TPTE: variants seen among roughly 807,000 people sequenced by gnomAD.
The protein encoded by TPTE is transmembrane phosphatase with tensin homology, also known as putative tyrosine-protein phosphatase TPTE.
TPTE carries 59 observed loss-of-function variants against 84.1 expected under a neutral mutation model. The observed-to-expected ratio is 0.70, with a 90% CI of 0.57 to 0.87. The LOEUF (loss-of-function observed/expected upper bound fraction) is 0.87. Among genes scored for constraint, TPTE ranks in the 40% least tolerant of loss-of-function variants. TPTE has a pLI of 0.00. For synonymous variants in TPTE, 130 were observed against 223.5 expected, an observed-to-expected ratio of 0.58 and a Z score of 3.73; for missense variants, 382 against 659.6, an observed-to-expected ratio of 0.58 and a Z score of 4.61.
intron 20 of TPTE, among the ~76,000 whole-genome samples, 171 bp downstream of exon 20, chr21:10,596,258 A>C (rs575825915): frequency 6.6e-6 from 1 of 152,302 alleles, no homozygotes; most frequent in African/African-American, 2.4e-5. Context: ...GCAATTGCCC[A>C]TTGATTGCCA....
intron 1 of TPTE, among the ~76,000 whole-genome samples, chr21:10,522,110 C>T (rs1431299925): frequency 2.0e-5 from 3 of 152,068 alleles, no homozygotes; most frequent in African/African-American, 7.2e-5. Flanking sequence ...GAGGCTCCCG[C>T]GCCGCCCCCG....
At chr21:10,537,996 A>G (rs894431449) in intron 3 of TPTE, among the ~76,000 whole-genome samples, 2 of 152,312 alleles carry the variant, frequency 1.3e-5, no homozygotes, top group Non-Finnish European at 2.9e-5. Context: ...GATTTTTCTT[A>G]CTAGTCTGTT....
chr21:10,566,569 G>A (rs564707198), intron 10 of TPTE, among the ~76,000 whole-genome samples: 217 of 152,312 alleles, frequency 1.4e-3, no homozygotes, highest in African/African-American at 4.9e-3. Flanking sequence ...TTTTGTTGCA[G>A]CACTGTTCAT....
In TPTE at chr21:10,592,282, C is replaced by CT. The variant is rs758664948; in HGVS notation, c.1090-5dup. On this transcript the variant is annotated splice_polypyrimidine_tract_variant and intron_variant, in intron 18 of 23. Coordinates refer to ENST00000618007, the MANE Select transcript of TPTE (RefSeq NM_199261.4). ...AGATGAACCATGGTTGGATTGTACCCTTTTTTGTAGGAAAGCCTGTATTAT... is the reference window on the plus strand; with the variant it reads ...AGATGAACCATGGTTGGATTGTACCCTTTTTTTGTAGGAAAGCCTGTATTAT... 7 of 1,612,822 alleles carry CT rather than the reference C, an allele frequency of 4.3e-6. No individual in the cohort carries two copies. Among genetic ancestry groups the CT allele is most frequent in the Admixed American group, 1.7e-5 (1 of 59,972 alleles).
chr21:10,552,964 G>A (rs1364863675), intron 8 of TPTE, among the ~76,000 whole-genome samples: 2 of 152,300 alleles, frequency 1.3e-5, no homozygotes, highest in Non-Finnish European at 2.9e-5. Flanking sequence ...ATTCTTAGAG[G>A]AAATTAATTC....
chr21:10,587,488 C>A (rs1472499374), intron 17 of TPTE, among the ~76,000 whole-genome samples: 1 of 152,162 alleles, frequency 6.6e-6, no homozygotes, highest in South Asian at 2.1e-4. Flanking sequence ...TTTGTTCCTG[C>A]ATTAATTTGC....
At chr21:10,562,438 G>T (rs2074827256) in intron 10 of TPTE, among the ~76,000 whole-genome samples, 1 of 152,308 alleles carries the variant, frequency 6.6e-6, no homozygotes, top group South Asian at 2.1e-4. Context: ...CAATCCTGTA[G>T]AAACAGAGAT....
At chr21:10,592,505 C>G (rs2075500174) in intron 19 of TPTE, 132 bp downstream of exon 19, 2 of 1,181,520 alleles carry the variant, frequency 1.7e-6, no homozygotes, top group Non-Finnish European at 1.2e-6. Context: ...TGCAACAGGC[C>G]TTAGTCCCTC....
intron 5 of TPTE, among the ~76,000 whole-genome samples, chr21:10,541,394 C>T (rs913250145): frequency 2.0e-5 from 3 of 152,296 alleles, no homozygotes; most frequent in South Asian, 2.1e-4. Flanking sequence ...ATCGATTGAA[C>T]CTGGGGAAGT....
intron 5 of TPTE, among the ~76,000 whole-genome samples, chr21:10,541,369 G>C (rs1422085067): frequency 2.6e-5 from 4 of 152,306 alleles, no homozygotes; most frequent in Admixed American, 2.0e-4. Context: ...CTACTCAGGA[G>C]ACTGAGGCAG....
In TPTE at chr21:10,603,558, T is replaced by C; in HGVS notation, c.1450-4T>C. ...TTTACTTTGAAATTTTTTTTTCTTT[T>C]TAGAATCTTCCTACATACTATGACA... On this transcript the variant is annotated splice_region_variant and splice_polypyrimidine_tract_variant and intron_variant, in intron 22 of 23. Transcript: ENST00000618007. The C allele has an allele frequency of 6.2e-7, 1 of 1,609,870 alleles. No individual in the cohort carries two copies. The highest frequency in any genetic ancestry group is 8.5e-7 in the Non-Finnish European group (1 of 1,178,020).
chr21:10,576,844 T>C (rs1425441427), intron 14 of TPTE, among the ~76,000 whole-genome samples: 19 of 3,260 alleles, frequency 5.8e-3, no homozygotes, highest in East Asian at 0.062. Flanking sequence ...TATACATATA[T>C]ATATATATAT....
At chr21:10,576,074 G>A (rs998476374) in intron 14 of TPTE, among the ~76,000 whole-genome samples, 1 of 152,308 alleles carries the variant, frequency 6.6e-6, no homozygotes, top group African/African-American at 2.4e-5. Context: ...CCCATTATGG[G>A]GTATATACCC....
chr21:10,592,805 GGTGTGTGT>G (rs4041809), intron 19 of TPTE, among the ~76,000 whole-genome samples: 13 of 148,850 alleles, frequency 8.7e-5, no homozygotes, highest in African/African-American at 1.2e-4. Flanking sequence ...GATGACTCCT[GGTGTGTGT>G]GTGTGTGTGT....
chr21:10,554,438 C>A (rs1306014237), intron 8 of TPTE, among the ~76,000 whole-genome samples: 2 of 152,306 alleles, frequency 1.3e-5, no homozygotes, highest in Non-Finnish European at 2.9e-5. Flanking sequence ...GTACATTTCT[C>A]CCCTCCCACA....
At chr21:10,575,563 G>C (rs1483288174) in intron 14 of TPTE, among the ~76,000 whole-genome samples, 17 of 152,342 alleles carry the variant, frequency 1.1e-4, no homozygotes, top group African/African-American at 4.1e-4. Flanking sequence ...TCCTGACTGG[G>C]TGAGAATGCC....
Position 10,596,022 on chromosome 21 carries a change from A to C in TPTE, c.1211A>C (p.Tyr404Ser), listed in dbSNP as rs139488785. 2.7e-5 allele frequency: 43 copies of C among 1,613,918 alleles called. No individual in the cohort carries two copies. In the African/African-American group the frequency reaches 5.5e-4, roughly 21 times the overall value. The change falls in exon 20 of 24, where the codon TAC becomes TCC. Residue 404 changes from tyrosine (Y) to serine (S), a missense_variant. This residue lies in a region of TPTE where 19 missense variants were observed against 59.2 expected (regional missense o/e 0.32). Transcript: ENST00000618007. ...VAYFAQVKHL[Y>S]NWNLPPRRIL... Reference sequence around the variant, plus strand: ...TATTTTGCACAAGTGAAACATCTCTACAACTGGAATCTCCCTCCAAGACGG... The same window carrying C: ...TATTTTGCACAAGTGAAACATCTCTCCAACTGGAATCTCCCTCCAAGACGG...
intron 2 of TPTE, among the ~76,000 whole-genome samples, chr21:10,526,336 A>G (rs1351477535): frequency 1.3e-5 from 2 of 152,312 alleles, no homozygotes; most frequent in African/African-American, 2.4e-5. Flanking sequence ...ATTAATGTCT[A>G]TCTGTGCTTA....
At chr21:10,565,381 T>C (rs1160008386) in intron 10 of TPTE, among the ~76,000 whole-genome samples, 4 of 152,304 alleles carry the variant, frequency 2.6e-5, no homozygotes, top group African/African-American at 7.2e-5. Context: ...GGAAGGAGAT[T>C]CCATGTTCAT....
Sources: gnomAD v4.1 joint callset for allele counts (sites outside exome capture counted in the v4.1 genomes callset) on GRCh38, gnomAD v4.1.1 for gene constraint, gnomAD v4.1.1 regional missense constraint, MANE v1.5 for transcripts, NCBI Gene and HGNC (gene_info 2026-07-23, HGNC 2026-07-21) for gene names.